The following BDP1 variants were observed in gnomAD, a reference collection of about 807,000 sequenced individuals.
BDP1 encodes the protein transcription factor TFIIIB component B'' homolog.
BDP1 carries 169 observed loss-of-function variants against 266.6 expected under a neutral mutation model. The observed-to-expected ratio is 0.63, with a 90% CI of 0.56 to 0.72. BDP1 has a LOEUF of 0.72. BDP1 is among the 30% of genes least tolerant of loss of function. The probability of loss-of-function intolerance (pLI) is 0.00; values close to 1 mark genes in which losing one functional copy is unlikely to be tolerated. For synonymous variants in BDP1, 1,090 were observed against 1,022.4 expected, an observed-to-expected ratio of 1.07 and a Z score of -1.26; for missense variants, 3,015 against 3,053.8, an observed-to-expected ratio of 0.99 and a Z score of 0.30.
chr5:71,467,207 T>G, intron 5 of BDP1, 147 bp from the exon 6 acceptor site: 1 of 651,748 alleles, frequency 1.5e-6, no homozygotes, highest in Non-Finnish European at 2.6e-6. Context: ...TAGCAGATGC[T>G]TGGAAAATAC....
chr5:71,541,555 C>CT lies in BDP1; in HGVS notation c.6127dup (p.Ser2043PhefsTer13). 4 of 1,611,266 alleles carry CT rather than the reference C, an allele frequency of 2.5e-6. No individual in the cohort carries two copies. Among genetic ancestry groups the CT allele is most frequent in the Non-Finnish European group, 3.4e-6 (4 of 1,178,118 alleles). On this transcript the variant is annotated frameshift_variant, in exon 29 of 39. Transcript: ENST00000358731. LOFTEE classifies it high-confidence loss of function. ...CAAAATTGTTCATGAATGTCAGGAACTTTCTTCACCTGTCATTACTACATC... is the reference window on the plus strand; with the variant it reads ...CAAAATTGTTCATGAATGTCAGGAACTTTTCTTCACCTGTCATTACTACATC...
rs141455163 is a variant in BDP1, at chr5:71,550,285, C to T, written c.6995+679C>T. ...CCTGTAATCCCAGCTACTCAGGAGACGGAGGCAGGAGAACCACTTGAACCC... is the reference window on the plus strand; with the variant it reads ...CCTGTAATCCCAGCTACTCAGGAGATGGAGGCAGGAGAACCACTTGAACCC... On this transcript the variant is annotated intron_variant, in intron 34 of 38. Coordinates refer to ENST00000358731, the MANE Select transcript of BDP1 (RefSeq NM_018429.3). 4.2e-3 allele frequency among the ~76,000 whole-genome samples: 634 copies of T among 151,980 alleles called. 10 individuals are homozygous for T. The highest frequency in any genetic ancestry group is 0.014 in the African/African-American group (590 of 41,428).
the BDP1 span, among the ~76,000 whole-genome samples, chr5:71,576,600 G>T: frequency 1.3e-4 from 20 of 152,298 alleles, 1 homozygote; most frequent in Middle Eastern, 3.4e-3. Flanking sequence ...CAGTGTCTTG[G>T]CCCACTGGCT....
intron 13 of BDP1, among the ~76,000 whole-genome samples, chr5:71,499,056 A>T (rs1033731057): frequency 6.6e-6 from 1 of 151,904 alleles, no homozygotes; most frequent in African/African-American, 2.4e-5. Context: ...ACACATTTCT[A>T]TAATTTTTAA....
chr5:71,462,629 C>T (rs1013318466), intron 3 of BDP1, among the ~76,000 whole-genome samples: 4 of 151,934 alleles, frequency 2.6e-5, no homozygotes, highest in African/African-American at 9.7e-5. Context: ...TGGCATGTGC[C>T]TGTAGTTCCA....
intron 22 of BDP1, among the ~76,000 whole-genome samples, chr5:71,518,887 G>A (rs965394129): frequency 1.5e-5 from 2 of 137,346 alleles, no homozygotes; most frequent in African/African-American, 5.5e-5. Context: ...TGGCTTGATC[G>A]TGGCTCATTG....
intron 7 of BDP1, among the ~76,000 whole-genome samples, chr5:71,473,565 G>A (rs888216637): frequency 5.3e-5 from 8 of 152,044 alleles, no homozygotes; most frequent in South Asian, 2.1e-4. Context: ...GAGCCACTGC[G>A]CCTGGCTTCT....
chr5:71,486,549 G>T lies in BDP1; in HGVS notation c.1135G>T (p.Glu379Ter). 1 of 1,542,522 alleles carries T rather than the reference G, an allele frequency of 6.5e-7. No individual in the cohort carries two copies. The highest frequency in any genetic ancestry group is 1.4e-5 in the African/African-American group (1 of 69,724). The change falls in exon 9 of 39, where the codon GAG becomes TAG. Residue 379 changes from glutamate to a stop codon, truncating the protein, a stop_gained. Transcript: ENST00000358731. LOFTEE classifies it high-confidence loss of function. Reference sequence around the variant, plus strand: ...GCTTCAGAAAGTTCTTGCTGAAGAAGAGAAAAGAAAACAAAAATCTGTTAA... The same window carrying T: ...GCTTCAGAAAGTTCTTGCTGAAGAATAGAAAAGAAAACAAAAATCTGTTAA... ...HLLQKVLAEEEKRKQKSVKNH... is the reference protein window; with the variant it reads ...HLLQKVLAEE
At position 71,544,371 on chromosome 5, in the gene BDP1, G is replaced by A. The variant is rs747994582; in HGVS notation, c.6427G>A (p.Ala2143Thr). The A allele has an allele frequency of 1.2e-6, 2 of 1,607,434 alleles. No individual in the cohort carries two copies. The highest frequency in any genetic ancestry group is 1.7e-6 in the Non-Finnish European group (2 of 1,178,434). Residue 2143 changes from alanine (A) to threonine (T), a missense_variant, in exon 31 of 39, where the codon GCT (alanine) becomes ACT (threonine). Physicochemically the swap from Ala to Thr is moderately conservative, Grantham distance 58. Coordinates refer to ENST00000358731, the MANE Select transcript of BDP1 (RefSeq NM_018429.3). ...METQRETEKN[A>T]SKATELENKN... is the part of the protein sequence containing the mutation. ...TTTTGTTTAAGAAACAGAGAAAAAT[G>A]CTTCCAAAGCAACAGAATTGGAAAA...
intron 34 of BDP1, among the ~76,000 whole-genome samples, chr5:71,552,510 C>T (rs369414696): frequency 0.049 from 5,144 of 103,976 alleles, no homozygotes; most frequent in African/African-American, 0.061. Context: ...ATCACGCCAC[C>T]GCACTCCAGC....
At position 71,537,149 on chromosome 5, in the gene BDP1, CAAAAAAAAAAAA is replaced by C. The variant is rs70992979; in HGVS notation, c.5893-1881_5893-1870del. Among the ~76,000 whole-genome samples the C allele has an allele frequency of 7.3e-5, 6 of 82,430 alleles. No homozygotes were observed. The East Asian group carries it at 1.2e-3, about 17-fold the overall frequency. The allele number at this position is 82,430 out of a possible 152,430, so 54.1% of individuals were successfully genotyped here. On this transcript the variant is annotated intron_variant, in intron 26 of 38. Transcript: ENST00000358731. ...TCTCAAAGCCAAAAAACCAAAAAAC[CAAAAAAAAAAAA>C]AAAAAAAAAAAGAACCAGAACCAAA...
At chr5:71,532,691 TTC>T (rs1167102664) in intron 26 of BDP1, among the ~76,000 whole-genome samples, 2 of 152,334 alleles carry the variant, frequency 1.3e-5, no homozygotes, top group Admixed American at 1.3e-4. Context: ...TTAAAATATA[TTC>T]TGTTGCGTTT....
chr5:71,520,084 A>T (rs909159703), intron 22 of BDP1, among the ~76,000 whole-genome samples: 1 of 152,190 alleles, frequency 6.6e-6, no homozygotes, highest in African/African-American at 2.4e-5. Flanking sequence ...ATTTTGTCAG[A>T]CACCTGTTGG....
At chr5:71,482,090 T>G (rs1277027927) in intron 7 of BDP1, among the ~76,000 whole-genome samples, 3 of 152,348 alleles carry the variant, frequency 2.0e-5, no homozygotes, top group African/African-American at 7.2e-5. Context: ...GCATCTTCCT[T>G]CTGCCTTCAT....
intron 7 of BDP1, among the ~76,000 whole-genome samples, chr5:71,479,692 G>C (rs183814064): frequency 4.6e-5 from 7 of 150,690 alleles, no homozygotes; most frequent in Admixed American, 4.6e-4. Context: ...GACAACAGGC[G>C]CCCACCACCA....
chr5:71,569,489 G>A (rs408589), downstream of BDP1, among the ~76,000 whole-genome samples: 32,088 of 152,092 alleles, frequency 0.21, 3,775 homozygotes, highest in Middle Eastern at 0.35. Flanking sequence ...GCTCACGCCT[G>A]TAATCCTAGC....
chr5:71,483,779 C>T (rs1763099007), intron 7 of BDP1, 63 bp from the exon 8 acceptor site: 1 of 1,199,476 alleles, frequency 8.3e-7, no homozygotes, highest in Non-Finnish European at 1.2e-6. Flanking sequence ...ATGCTTACTG[C>T]ATTTAAAAAA....
At chr5:71,473,056 G>T (rs371645689) in intron 7 of BDP1, among the ~76,000 whole-genome samples, 1 of 150,812 alleles carries the variant, frequency 6.6e-6, no homozygotes, top group Non-Finnish European at 1.5e-5. Flanking sequence ...CTAATTTTTC[G>T]TATTTTTTTG....
chr5:71,516,021 C>T, intron 20 of BDP1, 40 bp from the exon 21 acceptor site: 2 of 1,439,364 alleles, frequency 1.4e-6, no homozygotes, highest in Non-Finnish European at 9.4e-7. Flanking sequence ...CAGCTTTTTA[C>T]AGTCAAGCGC....
Sources: allele counts gnomAD v4.1 joint callset (sites outside exome capture counted in the v4.1 genomes callset), GRCh38; gene constraint gnomAD v4.1.1; transcripts MANE v1.5; gene names NCBI Gene and HGNC (gene_info 2026-07-23, HGNC 2026-07-21).